STPG2: variants seen among roughly 807,000 people sequenced by gnomAD.
STPG2 encodes sperm tail PG-rich repeat containing 2, also known as sperm-tail PG-rich repeat-containing protein 2.
Under a neutral mutation model 54.2 loss-of-function variants are expected in STPG2, and 56 were observed. The ratio of observed to expected loss-of-function variants is 1.03; its 90% CI spans 0.83 to 1.29. The LOEUF (loss-of-function observed/expected upper bound fraction) is 1.29. STPG2 is among the 50% of genes most tolerant of loss of function. The probability of loss-of-function intolerance (pLI) is 0.00; values close to 1 mark genes in which losing one functional copy is unlikely to be tolerated. For missense variants in STPG2, 596 were observed against 544.9 expected (o/e 1.09, Z -0.93); for synonymous variants, 200 against 181.8 (o/e 1.10, Z -0.81).
At chr4:97,870,409 G>A (rs1729944165) in intron 8 of STPG2, among the ~76,000 whole-genome samples, 1 of 151,140 alleles carries the variant, frequency 6.6e-6, no homozygotes, top group Non-Finnish European at 1.5e-5. Context: ...ACAATTATAT[G>A]AACAAAACTA....
At position 97,917,874 on chromosome 4, in the gene STPG2, C is replaced by G. The variant is rs183595539; in HGVS notation, c.1044+26023G>C. Among the ~76,000 whole-genome samples, 5 of 152,042 alleles carry G rather than the reference C, an allele frequency of 3.3e-5. No homozygotes were observed. In the East Asian group the frequency reaches 5.8e-4, roughly 18 times the overall value. ...CTTATTAAATATTTCATAACTATAT[C>G]CATTCCACCGTTGAGGTAGGACACT... On this transcript the variant is annotated intron_variant, in intron 8 of 10. Coordinates refer to ENST00000295268, the MANE Select transcript of STPG2 (RefSeq NM_174952.3).
intron 7 of STPG2, among the ~76,000 whole-genome samples, chr4:97,970,877 T>G (rs1734301314): frequency 6.6e-6 from 1 of 152,174 alleles, no homozygotes; most frequent in South Asian, 2.1e-4. Context: ...ACAGGCAACC[T>G]ACAGAATGGG....
At chr4:97,482,484 T>C (rs1730246871) in intron 4 of STPG2, among the ~76,000 whole-genome samples, 1 of 151,522 alleles carries the variant, frequency 6.6e-6, no homozygotes. Context: ...CAAAATCTTC[T>C]AATTAACCCA....
At chr4:97,922,889 T>C (rs1732160968) in intron 8 of STPG2, among the ~76,000 whole-genome samples, 1 of 151,126 alleles carries the variant, frequency 6.6e-6, no homozygotes, top group Non-Finnish European at 1.5e-5. Context: ...CTTTATAACA[T>C]GAGTATTTCT....
chr4:97,988,693 G>T (rs768811689), intron 5 of STPG2, among the ~76,000 whole-genome samples: 39 of 152,202 alleles, frequency 2.6e-4, no homozygotes, highest in Non-Finnish European at 4.0e-4. Context: ...TGCAACCTCC[G>T]CCTCCCGTGC....
chr4:98,084,097 A>G (rs978231796), intron 5 of STPG2, among the ~76,000 whole-genome samples: 3 of 152,096 alleles, frequency 2.0e-5, no homozygotes, highest in Non-Finnish European at 4.4e-5. Flanking sequence ...CTCCTGCCTC[A>G]GCCTCCCAAA....
chr4:97,829,556 T>C (rs1291040758), intron 9 of STPG2, among the ~76,000 whole-genome samples: 1 of 152,090 alleles, frequency 6.6e-6, no homozygotes, highest in African/African-American at 2.4e-5. Flanking sequence ...CTTCAGAAGG[T>C]GGGTAATAAC....
At chr4:97,912,050 G>A (rs1290864712) in intron 8 of STPG2, among the ~76,000 whole-genome samples, 1 of 152,084 alleles carries the variant, frequency 6.6e-6, no homozygotes, top group Non-Finnish European at 1.5e-5. Flanking sequence ...AGGGACCCAG[G>A]CGATTAGGGT....
chr4:97,468,165 A>G (rs2148813103), intron 4 of STPG2, among the ~76,000 whole-genome samples: 1 of 152,166 alleles, frequency 6.6e-6, no homozygotes, highest in East Asian at 1.9e-4. Context: ...ATCAGTTAGT[A>G]CACAAAATAT....
At chr4:98,129,216 C>T (rs13138051) in intron 2 of STPG2, among the ~76,000 whole-genome samples, 60,142 of 152,018 alleles carry the variant, frequency 0.4, 12,135 homozygotes, top group Middle Eastern at 0.46. Context: ...AGTAAAGCCA[C>T]CATTACTAAT....
chr4:97,955,582 T>C (rs1352381674), intron 7 of STPG2, among the ~76,000 whole-genome samples: 1 of 151,754 alleles, frequency 6.6e-6, no homozygotes, highest in Non-Finnish European at 1.5e-5. Context: ...TTTATGAGAG[T>C]CTCAGAAAGA....
At chr4:97,632,186 T>A (rs1003502215) in intron 10 of STPG2, among the ~76,000 whole-genome samples, 3 of 151,936 alleles carry the variant, frequency 2.0e-5, no homozygotes, top group Non-Finnish European at 2.9e-5. Flanking sequence ...CTCCATTTCA[T>A]CCTTAAAATC....
At chr4:97,857,007 C>A (rs1255178228) in intron 8 of STPG2, among the ~76,000 whole-genome samples, 2 of 152,100 alleles carry the variant, frequency 1.3e-5, no homozygotes, top group Non-Finnish European at 2.9e-5. Context: ...AGAAATGAAG[C>A]CAACTTGATA....
chr4:97,718,153 A>G (rs1274592285), intron 9 of STPG2, among the ~76,000 whole-genome samples: 1 of 152,096 alleles, frequency 6.6e-6, no homozygotes, highest in Non-Finnish European at 1.5e-5. Flanking sequence ...GGAATATTAC[A>G]TGTACAAATC....
intron 6 of STPG2, among the ~76,000 whole-genome samples, chr4:97,979,323 C>A (rs115775317): frequency 1.3e-5 from 2 of 152,084 alleles, no homozygotes; most frequent in East Asian, 1.9e-4. Context: ...ATCATTCCCC[C>A]CAGAGAGCCT....
chr4:98,079,156 T>C (rs1316501312), intron 5 of STPG2, among the ~76,000 whole-genome samples: 1 of 152,178 alleles, frequency 6.6e-6, no homozygotes, highest in Non-Finnish European at 1.5e-5. Flanking sequence ...AAAATAATAC[T>C]TTTGCATAAA....
intron 9 of STPG2, among the ~76,000 whole-genome samples, chr4:97,734,364 C>G (rs1430876631): frequency 6.6e-6 from 1 of 152,228 alleles, no homozygotes; most frequent in East Asian, 1.9e-4. Context: ...TATTTTGTCA[C>G]TCAGGTATTA....
intron 9 of STPG2, among the ~76,000 whole-genome samples, chr4:97,738,899 C>A (rs1304952084): frequency 6.6e-6 from 1 of 152,108 alleles, no homozygotes; most frequent in Non-Finnish European, 1.5e-5. Context: ...CCCAAATCAA[C>A]AGAATATACA....
chr4:97,911,696 A>AG (rs1412359489), intron 8 of STPG2, among the ~76,000 whole-genome samples: 1 of 152,148 alleles, frequency 6.6e-6, no homozygotes, highest in Non-Finnish European at 1.5e-5. Flanking sequence ...TCTCCCTGGG[A>AG]GGGAGCCCCT....
Sources: allele counts gnomAD v4.1 joint callset (sites outside exome capture counted in the v4.1 genomes callset), GRCh38; gene constraint gnomAD v4.1.1; transcripts MANE v1.5; gene names NCBI Gene and HGNC (gene_info 2026-07-23, HGNC 2026-07-21).